Variants in PPP2R3B observed in about 807,000 individuals in gnomAD.
PPP2R3B encodes serine/threonine-protein phosphatase 2A regulatory subunit B'' subunit beta.
A neutral mutation model predicts 72.9 loss-of-function variants in PPP2R3B; 68 were observed. That is an observed-to-expected ratio of 0.93 (90% CI 0.77 to 1.14). PPP2R3B has a LOEUF of 1.14. Ranked by LOEUF, PPP2R3B falls within the 50% of genes most tolerant of loss-of-function variation. The pLI is 0.00. For synonymous variants in PPP2R3B, 466 were observed against 375.8 expected, an observed-to-expected ratio of 1.24 and a Z score of -2.78; for missense variants, 1,018 against 842.0, an observed-to-expected ratio of 1.21 and a Z score of -2.59.
At chrX:374,934 T>C (rs2071956724) in intron 1 of PPP2R3B, among the ~76,000 whole-genome samples, 1 of 152,142 alleles carries the variant, frequency 6.6e-6, no homozygotes, top group African/African-American at 2.4e-5. Context: ...CCGATCTGTT[T>C]CCTGTCTCCA....
chrX:354,247 TGGGGGCTCAC>T (rs2071397030), intron 2 of PPP2R3B, among the ~76,000 whole-genome samples: 1 of 60,574 alleles, frequency 1.7e-5, no homozygotes, highest in African/African-American at 9.1e-5. Flanking sequence ...ACCCAAACAC[TGGGGGCTCAC>T]CCAAACACCA....
At chrX:341,790 G>T in intron 8 of PPP2R3B, 93 bp downstream of exon 8, 1 of 1,369,280 alleles carries the variant, frequency 7.3e-7, no homozygotes. Context: ...TCGCTGTCGG[G>T]GCACAAAAAG....
rs186906652 is a variant in PPP2R3B, at chrX:364,401, C to T, written c.325-2811G>A. On this transcript the variant is annotated intron_variant, in intron 1 of 12. Coordinates refer to ENST00000390665, the MANE Select transcript of PPP2R3B (RefSeq NM_013239.5). ...CGAAAACCCTCAAACCGGCCGGGCT[C>T]GTGCCTGCAATCCTGGCGCTTTGAA... 6.3e-3 allele frequency among the ~76,000 whole-genome samples: 947 copies of T among 151,136 alleles called. 5 individuals carry two copies. Among genetic ancestry groups the T allele is most frequent in the Non-Finnish European group, 7.9e-3 (534 of 67,840 alleles).
chrX:371,285 G>A lies in PPP2R3B; in HGVS notation c.325-9695C>T, dbSNP rs757490911. On this transcript the variant is annotated intron_variant, in intron 1 of 12. Transcript: ENST00000390665. ...GGGAGCCTCCCCGGACCCACGGTGA[G>A]AGTACGTGTAACACGCCATCGTCAC... Among the ~76,000 whole-genome samples, 16 of 152,054 alleles carry A rather than the reference G, an allele frequency of 1.1e-4. 1 individual carries two copies. The South Asian group carries it at 3.3e-3, about 32-fold the overall frequency.
rs1329439912 is a variant in PPP2R3B, at chrX:338,525, TCCTCCCACTC to T, written c.1577+69_1577+78del. The T allele has an allele frequency of 7.2e-4, 287 of 396,888 alleles. 10 individuals carry two copies. The highest frequency in any genetic ancestry group is 1.3e-3 in the South Asian group (23 of 17,860). The allele number at this position is 396,888 out of a possible 1,614,324, so 24.6% of individuals were successfully genotyped here. A position where few individuals can be genotyped will look rare whatever the true frequency, so the allele number is the denominator to read the frequency against. On this transcript the variant is annotated intron_variant, in intron 12 of 12. Transcript: ENST00000390665. ...CATCCCCCGGCTGCACACACACCCG[TCCTCCCACTC>T]ACCCGTCCTCCCCACTCACCCGTCC...
Position 346,036 on chromosome X carries a change from G to A in PPP2R3B, c.879+138C>T, listed in dbSNP as rs147624612. ...AGGCCTGGGGGTGGGCTGGGAGCGC[G>A]GTGGAGGTGGGGGTGGGGGTGGGGG... is the stretch of plus-strand genomic sequence containing the variant. On this transcript the variant is annotated intron_variant, in intron 6 of 12. Transcript: ENST00000390665. 0.013 allele frequency: 6,841 copies of A among 528,022 alleles called. 642 individuals are homozygous for A. In the African/African-American group the frequency reaches 0.18, roughly 14 times the overall value. 32.7% of individuals were successfully genotyped at this position (528,022 alleles called of 1,614,324 possible). A position where few individuals can be genotyped will look rare whatever the true frequency, so the allele number is the denominator to read the frequency against.
Position 361,558 on chromosome X carries a change from C to G in PPP2R3B, c.357G>C (p.Pro119=). The G allele has an allele frequency of 1.2e-6, 2 of 1,613,966 alleles. No homozygotes were observed. Among genetic ancestry groups the G allele is most frequent in the South Asian group, 2.2e-5 (2 of 91,078 alleles). The change falls in exon 2 of 13, where the codon CCG becomes CCC. Residue 119 remains proline, a synonymous_variant. Coordinates refer to ENST00000390665, the MANE Select transcript of PPP2R3B (RefSeq NM_013239.5). The part of the protein sequence containing the change: ...VQTRKEEPLP[P]ATSQSIPTFY... ...AGGTCGGAATGCTTTGGCTCGTGGC[C>G]GGGGGCAGAGGCTCTTCTTTCCGTG...
chrX:356,080 G>A (rs1308777484), intron 2 of PPP2R3B, among the ~76,000 whole-genome samples: 1 of 152,156 alleles, frequency 6.6e-6, no homozygotes, highest in Non-Finnish European at 1.5e-5. Flanking sequence ...GGGAAATGAG[G>A]AGTGCAGCCA....
chrX:358,904 G>C (rs1238233794), intron 2 of PPP2R3B, among the ~76,000 whole-genome samples: 3 of 149,438 alleles, frequency 2.0e-5, no homozygotes, highest in South Asian at 4.3e-4. Flanking sequence ...GGGAAGCACC[G>C]TGGGGACGGG....
At chrX:353,911 T>TCGCCCAGGGACCG (rs1569395206) in intron 2 of PPP2R3B, among the ~76,000 whole-genome samples, 2 of 118,686 alleles carry the variant, frequency 1.7e-5, no homozygotes, top group Admixed American at 1.6e-4. Context: ...ACCCAAAGAC[T>TCGCCCAGGGACCG]GGGGCTCGCC....
chrX:345,411 CAG>C (rs1246798075), intron 7 of PPP2R3B, 103 bp downstream of exon 7: 9 of 1,451,678 alleles, frequency 6.2e-6, no homozygotes, highest in Non-Finnish European at 8.5e-6. Flanking sequence ...GCTGCAGACA[CAG>C]AGCTGGGAGT....
rs765588134 is a variant in PPP2R3B at position 345,279 on chromosome X, C to T, written c.1036+237G>A. 2.2e-4 allele frequency: 157 copies of T among 703,920 alleles called. No individual in the cohort carries two copies. The African/African-American group carries it at 2.6e-3, about 12-fold the overall frequency. 43.6% of individuals were successfully genotyped at this position (703,920 alleles called of 1,614,324 possible). A position where few individuals can be genotyped will look rare whatever the true frequency, so the allele number is the denominator to read the frequency against. On this transcript the variant is annotated intron_variant, in intron 7 of 12. Transcript: ENST00000390665. Reference sequence around the variant, plus strand: ...TTCAGGACCAGCGGCCCACACTGACCCTGTAGACGCCCCCAGGCAGAGGCC... The same window carrying T: ...TTCAGGACCAGCGGCCCACACTGACTCTGTAGACGCCCCCAGGCAGAGGCC...
chrX:342,175 C>A, intron 7 of PPP2R3B: 1 of 607,516 alleles, frequency 1.6e-6, no homozygotes, highest in Non-Finnish European at 2.9e-6. Flanking sequence ...GGCTCCAAGA[C>A]CGACTTGTAA....
intron 5 of PPP2R3B, 199 bp from the exon 6 acceptor site, chrX:346,459 A>G (rs2071216481): frequency 1.6e-6 from 1 of 635,414 alleles, no homozygotes; most frequent in Non-Finnish European, 2.6e-6. Context: ...CTGGCCGGGG[A>G]CGCCCCGGAG....
chrX:351,030 G>C (rs2124045679), intron 2 of PPP2R3B, among the ~76,000 whole-genome samples: 1 of 152,278 alleles, frequency 6.6e-6, no homozygotes, highest in East Asian at 1.9e-4. Flanking sequence ...GTGGGGGACT[G>C]CAGAGGGGGC....
intron 8 of PPP2R3B, 135 bp downstream of exon 8, chrX:341,748 C>A (rs2071083205): frequency 6.3e-6 from 6 of 951,902 alleles, no homozygotes; most frequent in Admixed American, 5.3e-5. Flanking sequence ...GAGACACGTG[C>A]CCCCCTCGCC....
chrX:353,471 T>C (rs1004518676), intron 2 of PPP2R3B, among the ~76,000 whole-genome samples: 1 of 152,090 alleles, frequency 6.6e-6, no homozygotes, highest in Admixed American at 6.6e-5. Context: ...CTATCCCAAA[T>C]GGCTTCACTG....
rs368319306 is a variant in PPP2R3B, at chrX:341,312, C to T, written c.1170G>A (p.Pro390=). 13 of 1,612,374 alleles carry T rather than the reference C, an allele frequency of 8.1e-6. No individual in the cohort carries two copies. The highest frequency in any genetic ancestry group is 4.4e-5 in the South Asian group (4 of 91,066). Residue 390 remains proline, a synonymous_variant, in exon 9 of 13, where the codon CCG becomes CCA. Coordinates refer to ENST00000390665, the MANE Select transcript of PPP2R3B (RefSeq NM_013239.5). Reference sequence around the variant, plus strand: ...ATGCCGCAGCAGGAACCCACCTGGTCGGTGTTTTTTTGTCTTCCTCAGAGA... The same window carrying T: ...ATGCCGCAGCAGGAACCCACCTGGTTGGTGTTTTTTTGTCTTCCTCAGAGA... ...FLISEEDKKT[P]TSIEYWFRCM...
chrX:370,929 C>T (rs769697911), intron 1 of PPP2R3B, among the ~76,000 whole-genome samples: 4 of 152,160 alleles, frequency 2.6e-5, no homozygotes, highest in African/African-American at 4.8e-5. Context: ...TGCGTCCACC[C>T]GAAGGACCCC....
Sources: gnomAD v4.1 joint callset for allele counts (sites outside exome capture counted in the v4.1 genomes callset) on GRCh38, gnomAD v4.1.1 for gene constraint, MANE v1.5 for transcripts, NCBI Gene and HGNC (gene_info 2026-07-23, HGNC 2026-07-21) for gene names.